Variants in ADAM12 observed in about 807,000 individuals in gnomAD.
ADAM12 encodes the protein disintegrin and metalloproteinase domain-containing protein 12.
ADAM12 carries 70 observed loss-of-function variants against 106.4 expected under a neutral mutation model. That is an observed-to-expected ratio of 0.66 (90% CI 0.54 to 0.80). The LOEUF is 0.80. Ranked by LOEUF, ADAM12 falls within the 30% of genes least tolerant of loss-of-function variation. The pLI is 0.00. For synonymous variants in ADAM12, 420 were observed against 433.5 expected, an observed-to-expected ratio of 0.97 and a Z score of 0.39; for missense variants, 1,010 against 1,171.9, an observed-to-expected ratio of 0.86 and a Z score of 2.02.
chr10:126,074,953 G>A (rs1955070742), intron 11 of ADAM12, among the ~76,000 whole-genome samples: 1 of 152,196 alleles, frequency 6.6e-6, no homozygotes, highest in Non-Finnish European at 1.5e-5. Context: ...GACCATGGGT[G>A]ACAGCTCCAG....
chr10:126,024,366 A>T (rs1417537288), intron 21 of ADAM12, among the ~76,000 whole-genome samples: 4 of 152,216 alleles, frequency 2.6e-5, no homozygotes, highest in Non-Finnish European at 5.9e-5. Context: ...ATTTCTATGT[A>T]GAATAAATGT....
chr10:126,078,257 T>C (rs537197148), intron 11 of ADAM12, among the ~76,000 whole-genome samples: 8 of 152,302 alleles, frequency 5.3e-5, no homozygotes, highest in Admixed American at 6.5e-5. Context: ...CACTCACTTA[T>C]GGAGCAATAG....
At chr10:126,106,675 G>A (rs936232107) in intron 8 of ADAM12, among the ~76,000 whole-genome samples, 6 of 151,798 alleles carry the variant, frequency 4.0e-5, no homozygotes, top group Admixed American at 6.6e-5. Flanking sequence ...TAGTAGAGAC[G>A]GGGTTTCACC....
Position 126,094,150 on chromosome 10 carries a change from A to C in ADAM12, c.997-17T>G. 1 of 1,612,306 alleles carries C rather than the reference A, an allele frequency of 6.2e-7. No homozygotes were observed. The highest frequency in any genetic ancestry group is 1.7e-4 in the Middle Eastern group (1 of 6,052). On this transcript the variant is annotated splice_polypyrimidine_tract_variant and intron_variant, in intron 10 of 22. Transcript: ENST00000448723. ...TGAATGGTCCTCAAAGAAAACACAA[A>C]AGTACAGGTGTATAATTCATATCTC...
chr10:126,076,261 G>A (rs7080440), intron 11 of ADAM12, among the ~76,000 whole-genome samples: 46,134 of 152,196 alleles, frequency 0.3, 7,175 homozygotes, highest in South Asian at 0.43. Flanking sequence ...ACATAATTTC[G>A]TTCTTTTGAT....
At chr10:126,352,053 A>T (rs1855380601) in intron 1 of ADAM12, among the ~76,000 whole-genome samples, 1 of 152,146 alleles carries the variant, frequency 6.6e-6, no homozygotes, top group Admixed American at 6.5e-5. Context: ...AAAGGGCCAG[A>T]CACACCCAGC....
chr10:126,017,681 C>A (rs571816025), intron 22 of ADAM12, among the ~76,000 whole-genome samples: 1 of 152,208 alleles, frequency 6.6e-6, no homozygotes, highest in Admixed American at 6.5e-5. Context: ...AGGTCATCAT[C>A]AATAGAAAAA....
At chr10:126,170,066 T>C (rs1178634410) in intron 3 of ADAM12, among the ~76,000 whole-genome samples, 1 of 152,206 alleles carries the variant, frequency 6.6e-6, no homozygotes. Context: ...CTTGTATTAA[T>C]TGGTGCTTTG....
At chr10:126,246,033 A>G (rs1351702510) in intron 3 of ADAM12, among the ~76,000 whole-genome samples, 2 of 152,318 alleles carry the variant, frequency 1.3e-5, no homozygotes, top group East Asian at 3.9e-4. Context: ...GAGACATCAG[A>G]GCATATTGAG....
intron 2 of ADAM12, among the ~76,000 whole-genome samples, chr10:126,318,487 C>G (rs1350921654): frequency 2.0e-5 from 3 of 150,272 alleles, no homozygotes; most frequent in Non-Finnish European, 4.4e-5. Context: ...CACATTCACA[C>G]ATTCTCAGAG....
chr10:126,019,190 C>G (rs1953713746), intron 22 of ADAM12, among the ~76,000 whole-genome samples: 3 of 152,162 alleles, frequency 2.0e-5, no homozygotes. Context: ...GCTGGCTCCC[C>G]CTTCCGCCAT....
At chr10:126,153,046 C>T (rs1956756213) in intron 4 of ADAM12, among the ~76,000 whole-genome samples, 1 of 152,202 alleles carries the variant, frequency 6.6e-6, no homozygotes. Flanking sequence ...CCTGTCCTTG[C>T]TGCTGGTGAT....
rs145746755 is a variant in ADAM12, at chr10:126,220,545, C to T, written c.260+58370G>A. Among the ~76,000 whole-genome samples the T allele has an allele frequency of 2.7e-3, 415 of 152,244 alleles. 3 individuals carry two copies. In the South Asian group the frequency reaches 0.04, roughly 15 times the overall value. On this transcript the variant is annotated intron_variant, in intron 3 of 22. Transcript: ENST00000448723. ...TCTAAAATGATTTTTGTTGTTGTTG[C>T]TGAAGTATGTCTTGTGTACCATTTG...
chr10:126,325,840 T>A (rs938107847), intron 2 of ADAM12, among the ~76,000 whole-genome samples: 1 of 152,234 alleles, frequency 6.6e-6, no homozygotes, highest in African/African-American at 2.4e-5. Context: ...TAGCGTATTT[T>A]ACAGCCATCG....
At chr10:126,175,393 G>A (rs764936492) in intron 3 of ADAM12, among the ~76,000 whole-genome samples, 14 of 152,046 alleles carry the variant, frequency 9.2e-5, no homozygotes, top group African/African-American at 2.4e-4. Context: ...ACAATTGCTC[G>A]GAAAATAAAA....
intron 3 of ADAM12, among the ~76,000 whole-genome samples, chr10:126,229,260 C>T (rs1472061463): frequency 6.6e-6 from 1 of 152,078 alleles, no homozygotes; most frequent in Non-Finnish European, 1.5e-5. Flanking sequence ...TATCAATTGG[C>T]CTGAAAGTTC....
chr10:126,129,255 G>A (rs554482693), intron 5 of ADAM12, among the ~76,000 whole-genome samples: 6 of 152,368 alleles, frequency 3.9e-5, no homozygotes, highest in African/African-American at 1.4e-4. Flanking sequence ...AGAGAGCGGG[G>A]CAAGAGAACC....
intron 5 of ADAM12, among the ~76,000 whole-genome samples, chr10:126,121,256 C>T (rs1202865096): frequency 3.8e-5 from 4 of 105,502 alleles, no homozygotes; most frequent in Non-Finnish European, 7.0e-5. Flanking sequence ...TATATACATA[C>T]TATATATTAT....
intron 2 of ADAM12, among the ~76,000 whole-genome samples, chr10:126,289,377 C>T (rs1268666583): frequency 1.3e-5 from 2 of 152,246 alleles, no homozygotes; most frequent in Non-Finnish European, 2.9e-5. Context: ...CTGTCAGCCA[C>T]GTACCACCTG....
Sources: gnomAD v4.1 joint callset for allele counts (sites outside exome capture counted in the v4.1 genomes callset) on GRCh38, gnomAD v4.1.1 for gene constraint, MANE v1.5 for transcripts, NCBI Gene and HGNC (gene_info 2026-07-23, HGNC 2026-07-21) for gene names.